Variants in DIS3L2 observed in about 807,000 individuals in gnomAD.
DIS3L2 encodes the protein DIS3-like exonuclease 2.
A neutral mutation model predicts 97.5 loss-of-function variants in DIS3L2; 34 were observed. That is an observed-to-expected ratio of 0.35 (90% CI 0.27 to 0.46). The LOEUF (loss-of-function observed/expected upper bound fraction) is 0.46. Ranked by LOEUF, DIS3L2 falls within the 20% of genes least tolerant of loss-of-function variation. The pLI is 1.00. For synonymous variants in DIS3L2, 435 were observed against 445.2 expected, an observed-to-expected ratio of 0.98 and a Z score of 0.29; for missense variants, 1,038 against 1,146.0, an observed-to-expected ratio of 0.91 and a Z score of 1.36.
Position 232,334,709 on chromosome 2 carries a change from G to A in DIS3L2, c.2368G>A (p.Gly790Ser), listed in dbSNP as rs367835194. ...QAFDVLVLRY[G>S]VQKRIYCNAL... ...CTTCGACGTGCTGGTGCTGCGCTACGGCGTGCAGAAGCGCATCTACTGCAA... is the reference window on the plus strand; with the variant it reads ...CTTCGACGTGCTGGTGCTGCGCTACAGCGTGCAGAAGCGCATCTACTGCAA... Residue 790 changes from glycine to serine, a missense_variant, in exon 19 of 21, where the codon GGC becomes AGC. By Grantham distance (56) the Gly-to-Ser change is moderately conservative (BLOSUM62 0). Around this residue, in one of 3 missense-constraint regions of DIS3L2, gnomAD observed 221 missense variants for 246.9 expected, o/e 0.90. Coordinates refer to ENST00000325385, the MANE Select transcript of DIS3L2 (RefSeq NM_152383.5). 12 of 1,608,926 alleles carry A rather than the reference G, an allele frequency of 7.5e-6. No individual in the cohort carries two copies. The highest frequency in any genetic ancestry group is 1.7e-5 in the Admixed American group (1 of 59,640).
At chr2:232,233,584 A>G (rs1692854517) in intron 10 of DIS3L2, among the ~76,000 whole-genome samples, 1 of 152,210 alleles carries the variant, frequency 6.6e-6, no homozygotes, top group Admixed American at 6.5e-5. Flanking sequence ...TGCTGATGTC[A>G]AGAAGAGCCT....
rs111622702 is a variant in DIS3L2, at chr2:232,006,809, G to A, written c.-93-8026G>A. Reference sequence around the variant, plus strand: ...AAGACTGTTGTGTTCTGGAGGCCAAGGGTGAAGAATTTGTATTACAAAGAT... The same window carrying A: ...AAGACTGTTGTGTTCTGGAGGCCAAAGGTGAAGAATTTGTATTACAAAGAT... On this transcript the variant is annotated intron_variant, in intron 1 of 20. Coordinates refer to ENST00000325385, the MANE Select transcript of DIS3L2 (RefSeq NM_152383.5). 6.9e-3 allele frequency among the ~76,000 whole-genome samples: 1,057 copies of A among 152,258 alleles called. 12 individuals carry two copies. Among genetic ancestry groups the A allele is most frequent in the Non-Finnish European group, 7.7e-3 (523 of 68,026 alleles).
intron 14 of DIS3L2, among the ~76,000 whole-genome samples, chr2:232,313,740 C>A (rs890884689): frequency 6.6e-6 from 1 of 152,172 alleles, no homozygotes; most frequent in African/African-American, 2.4e-5. Flanking sequence ...TGAGACTGGG[C>A]AGTTTACAAA....
At chr2:232,045,670 C>CTTTTTT (rs35019734) in intron 5 of DIS3L2, among the ~76,000 whole-genome samples, 12 of 99,038 alleles carry the variant, frequency 1.2e-4, no homozygotes, top group East Asian at 3.2e-4. Context: ...AAAGGCCTCA[C>CTTTTTT]TTTTTTTTTT....
At chr2:232,068,681 T>C (rs1695922614) in intron 5 of DIS3L2, among the ~76,000 whole-genome samples, 1 of 152,158 alleles carries the variant, frequency 6.6e-6, no homozygotes, top group Non-Finnish European at 1.5e-5. Context: ...AATACTAAAT[T>C]GATCCTTTGG....
chr2:232,012,430 T>C (rs1483778535), intron 1 of DIS3L2, among the ~76,000 whole-genome samples: 1 of 151,770 alleles, frequency 6.6e-6, no homozygotes, highest in African/African-American at 2.4e-5. Context: ...TGGCAGTAAC[T>C]CCCCTTCATT....
intron 19 of DIS3L2, chr2:232,334,995 G>C: frequency 2.1e-6 from 1 of 484,204 alleles, no homozygotes; most frequent in Non-Finnish European, 3.7e-6. Context: ...GCTCGGCAGG[G>C]TGTGCAGGCT....
At chr2:232,240,604 G>T (rs1454109339) in intron 11 of DIS3L2, among the ~76,000 whole-genome samples, 1 of 152,166 alleles carries the variant, frequency 6.6e-6, no homozygotes, top group African/African-American at 2.4e-5. Context: ...AACGTACTGT[G>T]TCCCTCCCTG....
intron 3 of DIS3L2, 79 bp from the exon 4 acceptor site, chr2:232,024,198 T>C: frequency 2.7e-6 from 3 of 1,098,692 alleles, no homozygotes; most frequent in South Asian, 3.0e-5. Flanking sequence ...TTTTAAAACT[T>C]TTTATTGGAG....
chr2:232,183,669 C>G (rs1255725269), intron 9 of DIS3L2, among the ~76,000 whole-genome samples: 1 of 152,206 alleles, frequency 6.6e-6, no homozygotes, highest in East Asian at 1.9e-4. Flanking sequence ...TTGGTCAGTT[C>G]TTGTTGACCA....
intron 13 of DIS3L2, among the ~76,000 whole-genome samples, chr2:232,290,984 G>A (rs746411491): frequency 3.3e-5 from 5 of 152,204 alleles, no homozygotes; most frequent in Non-Finnish European, 7.3e-5. Context: ...GAAGTTGAGC[G>A]TCAGGACTGC....
chr2:232,030,041 T>A lies in DIS3L2; in HGVS notation c.327T>A (p.Asp109Glu), dbSNP rs1559555044. 1 of 1,611,734 alleles carries A rather than the reference T, an allele frequency of 6.2e-7. No individual in the cohort carries two copies. Among genetic ancestry groups the A allele is most frequent in the Admixed American group, 1.7e-5 (1 of 59,644 alleles). ...VVARNRALNG[D>E]LVVVKLLPEE... ...CTCGTAATAGAGCCTTAAATGGGGA[T>A]CTGGTGGTCGTGAAACTGCTTCCCG... Residue 109 changes from aspartate (D) to glutamate (E), a missense_variant, in exon 5 of 21, where the codon GAT becomes GAA. By Grantham distance (45) the Asp-to-Glu change is conservative. Around this residue, in one of 3 missense-constraint regions of DIS3L2, gnomAD observed 813 missense variants for 880.1 expected, o/e 0.92. Coordinates refer to ENST00000325385, the MANE Select transcript of DIS3L2 (RefSeq NM_152383.5).
rs899624715 is a variant in DIS3L2, at chr2:231,972,943, T to C, written c.-94+11178T>C. Among the ~76,000 whole-genome samples, 5 of 152,236 alleles carry C rather than the reference T, an allele frequency of 3.3e-5. No individual in the cohort carries two copies. The South Asian group carries it at 1.0e-3, about 32-fold the overall frequency. On this transcript the variant is annotated intron_variant, in intron 1 of 20. Transcript: ENST00000325385. Reference sequence around the variant, plus strand: ...GCAATTGATTTCCTAAAATCTGGTTTAAAAAATTTGCATTTCTGTTTATGA... The same window carrying C: ...GCAATTGATTTCCTAAAATCTGGTTCAAAAAATTTGCATTTCTGTTTATGA...
intron 8 of DIS3L2, among the ~76,000 whole-genome samples, chr2:232,146,070 A>G (rs759334147): frequency 6.6e-6 from 1 of 152,172 alleles, no homozygotes; most frequent in South Asian, 2.1e-4. Flanking sequence ...GCTATATTCC[A>G]TGAAGATGAA....
At chr2:232,290,747 C>T (rs969976989) in intron 13 of DIS3L2, among the ~76,000 whole-genome samples, 4 of 152,218 alleles carry the variant, frequency 2.6e-5, no homozygotes, top group Admixed American at 6.5e-5. Flanking sequence ...TAAGTGAAAA[C>T]ACAGCTGTGG....
intron 5 of DIS3L2, among the ~76,000 whole-genome samples, chr2:232,081,460 G>C (rs1458127227): frequency 2.0e-5 from 3 of 150,590 alleles, no homozygotes; most frequent in Non-Finnish European, 4.4e-5. Context: ...ATTCAGTAGG[G>C]ATGGCAAAAT....
At chr2:232,083,071 C>CA (rs1696452207) in intron 5 of DIS3L2, among the ~76,000 whole-genome samples, 1 of 150,966 alleles carries the variant, frequency 6.6e-6, no homozygotes, top group African/African-American at 2.4e-5. Flanking sequence ...AAGACCCACC[C>CA]CCCCATGATT....
chr2:232,036,444 T>C (rs1694951373), intron 5 of DIS3L2, among the ~76,000 whole-genome samples: 1 of 152,234 alleles, frequency 6.6e-6, no homozygotes, highest in African/African-American at 2.4e-5. Context: ...TGTTCTTAGC[T>C]TTCTTGCATT....
intron 6 of DIS3L2, among the ~76,000 whole-genome samples, chr2:232,129,257 C>T (rs1430026347): frequency 6.6e-6 from 1 of 152,186 alleles, no homozygotes; most frequent in East Asian, 1.9e-4. Context: ...GTAGAGGATA[C>T]TTATTCATGG....
Sources: allele counts gnomAD v4.1 joint callset (sites outside exome capture counted in the v4.1 genomes callset), GRCh38; gene constraint gnomAD v4.1.1; regional missense constraint gnomAD v4.1.1; transcripts MANE v1.5; gene names NCBI Gene and HGNC (gene_info 2026-07-23, HGNC 2026-07-21).